Variants in DGKB observed in about 807,000 individuals in gnomAD.
DGKB encodes diacylglycerol kinase beta.
Under a neutral mutation model 114.3 loss-of-function variants are expected in DGKB, and 67 were observed. That is an observed-to-expected ratio of 0.59 (90% CI 0.48 to 0.72). DGKB has a LOEUF of 0.72. Ranked by LOEUF, DGKB falls within the 30% of genes least tolerant of loss-of-function variation. The probability of loss-of-function intolerance (pLI) is 0.00; values close to 1 mark genes in which losing one functional copy is unlikely to be tolerated. For missense variants in DGKB, 907 were observed against 975.2 expected, an observed-to-expected ratio of 0.93 and a Z score of 0.93; for synonymous variants, 398 against 323.1, an observed-to-expected ratio of 1.23 and a Z score of -2.49.
chr7:14,611,224 T>C (rs1361289040), intron 16 of DGKB, among the ~76,000 whole-genome samples: 4 of 152,108 alleles, frequency 2.6e-5, no homozygotes, highest in African/African-American at 9.7e-5. Flanking sequence ...CATTTCTACT[T>C]CAACCTGTAA....
At chr7:14,309,279 A>G (rs1804981516) in intron 23 of DGKB, among the ~76,000 whole-genome samples, 1 of 152,212 alleles carries the variant, frequency 6.6e-6, no homozygotes, top group Non-Finnish European at 1.5e-5. Flanking sequence ...CTTTGTCACC[A>G]TGTATCAGCA....
At chr7:14,937,044 ACACACAC>A in intron 1 of DGKB, among the ~76,000 whole-genome samples, 2 of 145,306 alleles carry the variant, frequency 1.4e-5, no homozygotes, top group African/African-American at 5.1e-5. Flanking sequence ...ACACACACAC[ACACACAC>A]ACACACACAC....
chr7:14,395,161 G>T (rs1296886612), intron 21 of DGKB, among the ~76,000 whole-genome samples: 14 of 152,092 alleles, frequency 9.2e-5, no homozygotes, highest in Non-Finnish European at 2.1e-4. Context: ...TTGATTTAAA[G>T]AGTAAATGCT....
rs184431812 is a variant in DGKB at position 14,675,750 on chromosome 7, G to A, written c.1036-2723C>T. The stretch of plus-strand genomic sequence containing the variant: ...CATCTGTTAAACAGAGTCACACAAT[G>A]CAAGAAAATTCTCCTAACCAAGAAG... On this transcript the variant is annotated intron_variant, in intron 12 of 25. Transcript: ENST00000402815. Among the ~76,000 whole-genome samples the A allele has an allele frequency of 3.5e-3, 528 of 151,988 alleles. 6 individuals are homozygous for A. Among genetic ancestry groups the A allele is most frequent in the South Asian group, 0.031 (151 of 4,798 alleles).
chr7:14,429,144 T>C (rs1046306054), intron 21 of DGKB, among the ~76,000 whole-genome samples: 2 of 152,140 alleles, frequency 1.3e-5, no homozygotes, highest in Non-Finnish European at 2.9e-5. Context: ...GAGAAAATAC[T>C]ATTTATTTTC....
In DGKB at chr7:14,682,613, G is replaced by A; in HGVS notation, c.975C>T (p.His325=). 6.2e-7 allele frequency: 1 copy of A among 1,613,564 alleles called. No individual in the cohort carries two copies. Among genetic ancestry groups the A allele is most frequent in the East Asian group, 2.2e-5 (1 of 44,860 alleles). ...GNCPTKCDKC[H]KTVKCYQGLT... is the part of the protein sequence containing the mutation. ...GGCCCTGGTAACATTTAACAGTTTTGTGGCACTTATCACACTTGGTTGGGC... is the reference window on the plus strand; with the variant it reads ...GGCCCTGGTAACATTTAACAGTTTTATGGCACTTATCACACTTGGTTGGGC... The change falls in exon 12 of 26, where the codon CAC becomes CAT. Residue 325 remains histidine, a synonymous_variant. Transcript: ENST00000402815.
chr7:14,461,305 C>T lies in DGKB; in HGVS notation c.1835+16856G>A, dbSNP rs964338571. ...CATACACAAAAACCCTTCAAAAAAT[C>T]AATGAATCCAGGAGCTGTTTTTTTT... is the stretch of plus-strand genomic sequence containing the variant. On this transcript the variant is annotated intron_variant, in intron 21 of 25. Transcript: ENST00000402815. Among the ~76,000 whole-genome samples the T allele has an allele frequency of 2.1e-5, 3 of 142,856 alleles. No individual in the cohort carries two copies. The Admixed American group carries it at 2.2e-4, about 10-fold the overall frequency. 93.7% of individuals were successfully genotyped at this position (142,856 alleles called of 152,430 possible). A position where few individuals can be genotyped will look rare whatever the true frequency, so the allele number is the denominator to read the frequency against.
chr7:14,492,528 A>T (rs1784736682), intron 20 of DGKB, among the ~76,000 whole-genome samples: 1 of 152,102 alleles, frequency 6.6e-6, no homozygotes, highest in South Asian at 2.1e-4. Flanking sequence ...AAGAAAATAC[A>T]ATTGACACAT....
intron 9 of DGKB, among the ~76,000 whole-genome samples, chr7:14,693,366 T>A (rs974451096): frequency 1.3e-5 from 2 of 152,082 alleles, no homozygotes; most frequent in Admixed American, 6.5e-5. Flanking sequence ...GCTTCAAGTC[T>A]GGGTCAGCAA....
rs1236412740 is a variant in DGKB, at chr7:14,238,642, T to TA, written c.2123-60492dup. On this transcript the variant is annotated intron_variant, in intron 23 of 25. Transcript: ENST00000402815. ...CTGAAAATGGTACAGGACAGAGGGT[T>TA]AAAGTTGTTGTCTTCTGTAGAGAGA... Among the ~76,000 whole-genome samples, 6 of 151,950 alleles carry TA rather than the reference T, an allele frequency of 3.9e-5. No homozygotes were observed. In the East Asian group the frequency reaches 1.2e-3, roughly 30 times the overall value.
intron 6 of DGKB, among the ~76,000 whole-genome samples, chr7:14,709,229 T>C (rs1167181821): frequency 1.3e-5 from 2 of 152,090 alleles, no homozygotes; most frequent in South Asian, 2.1e-4. Context: ...TCATCATCAC[T>C]GGCCATCAGA....
chr7:14,672,531 C>T (rs1195387890), intron 13 of DGKB, among the ~76,000 whole-genome samples: 1 of 151,870 alleles, frequency 6.6e-6, no homozygotes, highest in Non-Finnish European at 1.5e-5. Flanking sequence ...TAGCCTCTAA[C>T]CTAGATGAGA....
chr7:14,957,046 T>C (rs750957564), intron 1 of DGKB, among the ~76,000 whole-genome samples: 43 of 151,942 alleles, frequency 2.8e-4, no homozygotes, highest in Non-Finnish European at 5.2e-4. Flanking sequence ...AATGCCCAAA[T>C]AGGAATTTGC....
intron 1 of DGKB, among the ~76,000 whole-genome samples, chr7:14,946,347 C>T (rs760606848): frequency 1.3e-4 from 20 of 151,598 alleles, no homozygotes; most frequent in Non-Finnish European, 2.5e-4. Flanking sequence ...TGAATGGACC[C>T]TCCATTTCCT....
chr7:14,193,745 T>A (rs931386252), intron 23 of DGKB, among the ~76,000 whole-genome samples: 1 of 151,694 alleles, frequency 6.6e-6, no homozygotes, highest in Non-Finnish European at 1.5e-5. Context: ...ATTCACAGAG[T>A]AAAGAGATAA....
At chr7:14,433,622 G>A (rs899592359) in intron 21 of DGKB, among the ~76,000 whole-genome samples, 1 of 152,132 alleles carries the variant, frequency 6.6e-6, no homozygotes, top group Non-Finnish European at 1.5e-5. Context: ...GTTTTGCAGA[G>A]TAGACACTTA....
intron 1 of DGKB, among the ~76,000 whole-genome samples, chr7:14,890,585 T>C (rs1015311523): frequency 5.9e-5 from 9 of 151,478 alleles, no homozygotes; most frequent in Non-Finnish European, 1.2e-4. Context: ...ACACTTCATA[T>C]AGTAAATATG....
At chr7:14,410,872 AT>A (rs1824758659) in intron 21 of DGKB, among the ~76,000 whole-genome samples, 1 of 152,204 alleles carries the variant, frequency 6.6e-6, no homozygotes, top group Admixed American at 6.5e-5. Context: ...AATATATACA[AT>A]TTTATTAAAG....
At chr7:14,684,404 GA>G (rs1821331780) in intron 10 of DGKB, among the ~76,000 whole-genome samples, 1 of 152,154 alleles carries the variant, frequency 6.6e-6, no homozygotes, top group Admixed American at 6.6e-5. Flanking sequence ...TGTACAAGCT[GA>G]AAAGGTTGGG....
Sources: allele counts gnomAD v4.1 joint callset (sites outside exome capture counted in the v4.1 genomes callset), GRCh38; gene constraint gnomAD v4.1.1; transcripts MANE v1.5; gene names NCBI Gene and HGNC (gene_info 2026-07-23, HGNC 2026-07-21).